NAALADL2: variants seen among roughly 807,000 people sequenced by gnomAD.
NAALADL2 encodes the protein inactive N-acetylated-alpha-linked acidic dipeptidase-like protein 2.
A neutral mutation model predicts 87.2 loss-of-function variants in NAALADL2; 76 were observed. The observed-to-expected ratio is 0.87, with a 90% confidence interval of 0.72 to 1.05. NAALADL2 has a LOEUF of 1.05. Among genes scored for constraint, NAALADL2 ranks in the 50% least tolerant of loss-of-function variants. The probability of loss-of-function intolerance (pLI) is 0.00; values close to 1 mark genes in which losing one functional copy is unlikely to be tolerated. For missense variants in NAALADL2, 1,089 were observed against 945.8 expected, an observed-to-expected ratio of 1.15 and a Z score of -1.99; for synonymous variants, 354 against 331.0, an observed-to-expected ratio of 1.07 and a Z score of -0.75.
intron 4 of NAALADL2, among the ~76,000 whole-genome samples, chr3:175,301,866 C>A (rs1355714132): frequency 6.6e-6 from 1 of 152,132 alleles, no homozygotes; most frequent in Admixed American, 6.5e-5. Flanking sequence ...TGGAGGGAAA[C>A]AAAACACAAG....
intron 1 of NAALADL2, among the ~76,000 whole-genome samples, chr3:174,914,063 C>CT (rs201995069): frequency 0.092 from 13,070 of 141,648 alleles, 662 homozygotes; most frequent in Middle Eastern, 0.14. Context: ...CTTTTCTTTT[C>CT]TTTTTTTTTT....
intron 2 of NAALADL2, among the ~76,000 whole-genome samples, chr3:174,642,536 C>T (rs956152389): frequency 8.0e-5 from 12 of 149,932 alleles, no homozygotes; most frequent in African/African-American, 3.0e-4. Flanking sequence ...AGCATGTTGC[C>T]ACACAGGGTA....
intron 5 of NAALADL2, among the ~76,000 whole-genome samples, chr3:175,442,260 A>G (rs1719905672): frequency 6.6e-6 from 1 of 151,410 alleles, no homozygotes. Flanking sequence ...TGACTTTTCA[A>G]TTAGGTTTAA....
intron 1 of NAALADL2, among the ~76,000 whole-genome samples, chr3:174,870,007 CAA>C (rs71624295): frequency 0.044 from 2,732 of 62,646 alleles, 37 homozygotes; most frequent in African/African-American, 0.098. Flanking sequence ...CCCCACCCGC[CAA>C]AAAAAAAAAA....
At chr3:174,712,730 G>T (rs1181633962) in intron 2 of NAALADL2, among the ~76,000 whole-genome samples, 1 of 151,992 alleles carries the variant, frequency 6.6e-6, no homozygotes, top group Non-Finnish European at 1.5e-5. Flanking sequence ...AAAAGAAGAA[G>T]ATATTCCTTT....
chr3:175,337,039 C>T (rs535895296), intron 5 of NAALADL2, among the ~76,000 whole-genome samples: 1 of 151,722 alleles, frequency 6.6e-6, no homozygotes, highest in East Asian at 1.9e-4. Context: ...TCACCTGCTC[C>T]ACAAACACAC....
At chr3:174,458,701 C>T (rs1172472324) in intron 1 of NAALADL2, 1 of 152,162 alleles carries the variant, frequency 6.6e-6, no homozygotes, top group Non-Finnish European at 1.5e-5. Flanking sequence ...AAGTTACCAT[C>T]TATCAACAGT....
At chr3:175,693,311 C>T (rs2149925343) in intron 11 of NAALADL2, among the ~76,000 whole-genome samples, 1 of 152,254 alleles carries the variant, frequency 6.6e-6, no homozygotes, top group Admixed American at 6.5e-5. Context: ...GCCTAAATTC[C>T]CCTACACTAA....
At chr3:175,226,226 A>AT (rs1744140461) in intron 2 of NAALADL2, among the ~76,000 whole-genome samples, 1 of 152,042 alleles carries the variant, frequency 6.6e-6, no homozygotes, top group African/African-American at 2.4e-5. Flanking sequence ...TTCTGAACTG[A>AT]TTTTTAAACA....
intron 1 of NAALADL2, among the ~76,000 whole-genome samples, chr3:174,959,345 C>G (rs1039961341): frequency 6.6e-6 from 1 of 151,936 alleles, no homozygotes; most frequent in African/African-American, 2.4e-5. Context: ...TAAAAATAGA[C>G]CCTAATCTTG....
intron 1 of NAALADL2, among the ~76,000 whole-genome samples, chr3:174,443,444 CTG>C (rs1375784318): frequency 1.3e-5 from 2 of 152,080 alleles, no homozygotes; most frequent in East Asian, 3.8e-4. Flanking sequence ...TTTCTGTTAA[CTG>C]AGATTGGAAA....
intron 1 of NAALADL2, among the ~76,000 whole-genome samples, chr3:175,026,311 C>A (rs1033446412): frequency 4.6e-5 from 7 of 151,592 alleles, no homozygotes; most frequent in African/African-American, 1.7e-4. Context: ...ATGGAAAAAA[C>A]AAATATTGTG....
intron 2 of NAALADL2, among the ~76,000 whole-genome samples, chr3:174,654,405 T>A (rs1165483245): frequency 6.6e-6 from 1 of 152,172 alleles, no homozygotes; most frequent in Non-Finnish European, 1.5e-5. Flanking sequence ...TTAAGACTCT[T>A]GTTGTCTGGT....
chr3:174,636,841 A>G (rs370626831), intron 2 of NAALADL2, among the ~76,000 whole-genome samples: 197 of 152,324 alleles, frequency 1.3e-3, no homozygotes, highest in African/African-American at 4.5e-3. Flanking sequence ...AGGAAAATAC[A>G]TCAGCATGTC....
At chr3:174,895,311 TCTAAAAAAA>T (rs890005093) in intron 1 of NAALADL2, among the ~76,000 whole-genome samples, 1 of 150,028 alleles carries the variant, frequency 6.7e-6, no homozygotes, top group African/African-American at 2.5e-5. Flanking sequence ...AGAGAGAAGA[TCTAAAAAAA>T]GTAAAAATAG....
At chr3:175,734,481 C>A (rs773823470) in intron 11 of NAALADL2, among the ~76,000 whole-genome samples, 9 of 151,944 alleles carry the variant, frequency 5.9e-5, no homozygotes, top group Non-Finnish European at 1.0e-4. Context: ...GGTGTGAACT[C>A]GGGAGGCGGA....
chr3:175,001,691 T>G (rs1284452114), intron 1 of NAALADL2, among the ~76,000 whole-genome samples: 2 of 152,118 alleles, frequency 1.3e-5, no homozygotes, highest in Non-Finnish European at 2.9e-5. Context: ...CTGTGCCTAT[T>G]ATTCTGCAAA....
intron 1 of NAALADL2, among the ~76,000 whole-genome samples, chr3:174,931,399 A>T (rs994244490): frequency 6.6e-6 from 1 of 152,152 alleles, no homozygotes; most frequent in Non-Finnish European, 1.5e-5. Flanking sequence ...TTCCAAACAT[A>T]AGATGGGAAC....
At chr3:174,565,014 T>C (rs995977641) in intron 2 of NAALADL2, among the ~76,000 whole-genome samples, 7 of 152,030 alleles carry the variant, frequency 4.6e-5, no homozygotes, top group South Asian at 2.1e-4. Context: ...AATTCCAATT[T>C]CTTCTGAATT....
Sources: gnomAD v4.1 joint callset for allele counts (sites outside exome capture counted in the v4.1 genomes callset) on GRCh38, gnomAD v4.1.1 for gene constraint, MANE v1.5 for transcripts, NCBI Gene and HGNC (gene_info 2026-07-23, HGNC 2026-07-21) for gene names.